The following LDAH variants were observed in gnomAD, a reference collection of about 807,000 sequenced individuals.
LDAH encodes lipid droplet associated hydrolase.
In LDAH, 26 loss-of-function variants were observed where a neutral mutation model predicts 29.6. The observed-to-expected ratio is 0.88, with a 90% CI of 0.64 to 1.22. LDAH has a LOEUF of 1.22. LDAH is among the 50% of genes most tolerant of loss of function. The pLI, the probability that LDAH is intolerant of heterozygous loss-of-function variation, is 0.00. For missense variants in LDAH, 344 were observed against 387.3 expected (o/e 0.89, Z 0.94); for synonymous variants, 117 against 133.0 (o/e 0.88, Z 0.83).
chr2:20,698,223 C>T lies in LDAH; in HGVS notation c.786+3347G>A, dbSNP rs562699991. On this transcript the variant is annotated intron_variant, in intron 6 of 6. Transcript: ENST00000237822. The surrounding 1 kb of genome is among the most constrained non-coding windows in gnomAD (Gnocchi z 4.4). ...TGCTAGGCCCTAGGGGACATCAAGA[C>T]GAAGAAGACACAGCTCCTTACCTCA... 3.9e-4 allele frequency among the ~76,000 whole-genome samples: 60 copies of T among 152,094 alleles called. No individual in the cohort carries two copies. Among genetic ancestry groups the T allele is most frequent in the Non-Finnish European group, 7.1e-4 (48 of 68,022 alleles).
rs1662475392 is a variant in LDAH at position 20,685,269 on chromosome 2, A to G, written c.*1634T>C. 5 of 504,790 alleles carry G rather than the reference A, an allele frequency of 9.9e-6. No individual in the cohort carries two copies. The South Asian group carries it at 1.7e-4, about 17-fold the overall frequency. The allele number at this position is 504,790 out of a possible 1,614,324, so 31.3% of individuals were successfully genotyped here. Reference sequence around the variant, plus strand: ...TTCTGGTAGGTATGATTTACCCAGTATTGTTTACATGCCTTGATTTAGTAT... The same window carrying G: ...TTCTGGTAGGTATGATTTACCCAGTGTTGTTTACATGCCTTGATTTAGTAT... On this transcript the variant is annotated 3_prime_UTR_variant, in exon 7 of 7. Coordinates refer to ENST00000237822, the MANE Select transcript of LDAH (RefSeq NM_021925.4).
At position 20,736,598 on chromosome 2, in the gene LDAH, C is replaced by A. The variant is rs185384459; in HGVS notation, c.703+3373G>T. On this transcript the variant is annotated intron_variant, in intron 5 of 6. Transcript: ENST00000237822. ...TGAGTATTTTGAGAAACTGAAGACA[C>A]AGGAGAAGCTCTAAAAATGGAGAAG... is the stretch of plus-strand genomic sequence containing the variant. 7.9e-5 allele frequency among the ~76,000 whole-genome samples: 12 copies of A among 152,180 alleles called. No homozygotes were observed. In the East Asian group the frequency reaches 2.1e-3, roughly 27 times the overall value.
chr2:20,764,264 A>T (rs866142304), intron 4 of LDAH, among the ~76,000 whole-genome samples: 15 of 152,246 alleles, frequency 9.9e-5, no homozygotes, highest in Admixed American at 1.3e-4. Flanking sequence ...CATCATCTAC[A>T]ATACAAACTT....
intron 1 of LDAH, among the ~76,000 whole-genome samples, chr2:20,805,099 T>C (rs1022710137): frequency 2.0e-5 from 3 of 152,210 alleles, no homozygotes; most frequent in African/African-American, 7.2e-5. Flanking sequence ...TTATTAACTA[T>C]AAAGTTGTTA....
At chr2:20,797,776 AAAAAG>A (rs900332857) in intron 2 of LDAH, among the ~76,000 whole-genome samples, 1 of 152,228 alleles carries the variant, frequency 6.6e-6, no homozygotes, top group African/African-American at 2.4e-5. Context: ...TGCAAAAACA[AAAAAG>A]AAAAGAAAAG....
chr2:20,772,312 G>A lies in LDAH; in HGVS notation c.468+2498C>T, dbSNP rs115952229. ...ACAGTAATGCTATTATTTCAAATAT[G>A]CAAGTATCCTTTTTAATGTTTTTAA... On this transcript the variant is annotated intron_variant, in intron 4 of 6. Coordinates refer to ENST00000237822, the MANE Select transcript of LDAH (RefSeq NM_021925.4). Among the ~76,000 whole-genome samples the A allele has an allele frequency of 7.8e-3, 1,191 of 152,282 alleles. 11 individuals are homozygous for A. The highest frequency in any genetic ancestry group is 0.027 in the African/African-American group (1,127 of 41,550).
intron 1 of LDAH, among the ~76,000 whole-genome samples, chr2:20,803,251 G>T (rs572691795): frequency 6.6e-6 from 1 of 152,236 alleles, no homozygotes; most frequent in South Asian, 2.1e-4. Flanking sequence ...GTGCCTGCAG[G>T]GGAAAGCTTT....
intron 4 of LDAH, among the ~76,000 whole-genome samples, chr2:20,755,158 TGTG>T: frequency 6.6e-6 from 1 of 152,026 alleles, no homozygotes; most frequent in East Asian, 1.9e-4. Flanking sequence ...TGTGTGTGTG[TGTG>T]TGTGTAGGGG....
chr2:20,720,473 C>G (rs192145629), intron 5 of LDAH, among the ~76,000 whole-genome samples: 1 of 151,844 alleles, frequency 6.6e-6, no homozygotes, highest in South Asian at 2.1e-4. Flanking sequence ...ATGGAAAGGA[C>G]ACACACACAA....
At chr2:20,733,524 C>T (rs1430411989) in intron 5 of LDAH, among the ~76,000 whole-genome samples, 1 of 151,936 alleles carries the variant, frequency 6.6e-6, no homozygotes, top group Non-Finnish European at 1.5e-5. Flanking sequence ...CTCAGTCCCC[C>T]AACTAGCTAG....
chr2:20,689,013 G>A (rs968739081), intron 6 of LDAH, among the ~76,000 whole-genome samples: 2 of 150,128 alleles, frequency 1.3e-5, no homozygotes, highest in African/African-American at 2.5e-5. Flanking sequence ...AACAGGCCCC[G>A]GTGTGTGATG....
At chr2:20,697,469 G>C (rs1163468926) in intron 6 of LDAH, among the ~76,000 whole-genome samples, 1 of 152,126 alleles carries the variant, frequency 6.6e-6, no homozygotes, top group Non-Finnish European at 1.5e-5. Context: ...CAAATTCCTA[G>C]GGCTAACTGA....
chr2:20,763,371 G>A (rs910971052), intron 4 of LDAH, among the ~76,000 whole-genome samples: 10 of 152,214 alleles, frequency 6.6e-5, no homozygotes, highest in African/African-American at 2.4e-4. Context: ...GAAAGCTTAG[G>A]TAGGTGGTTC....
At chr2:20,784,295 A>G (rs1670400534) in intron 3 of LDAH, among the ~76,000 whole-genome samples, 1 of 151,988 alleles carries the variant, frequency 6.6e-6, no homozygotes, top group African/African-American at 2.4e-5. Flanking sequence ...GGTCTCAGCT[A>G]CTCAGGAGGC....
rs546926230 is a variant in LDAH, at chr2:20,738,092, A to T, written c.703+1879T>A. Among the ~76,000 whole-genome samples, 4 of 151,916 alleles carry T rather than the reference A, an allele frequency of 2.6e-5. No individual in the cohort carries two copies. The South Asian group carries it at 8.3e-4, about 32-fold the overall frequency. On this transcript the variant is annotated intron_variant, in intron 5 of 6. Coordinates refer to ENST00000237822, the MANE Select transcript of LDAH (RefSeq NM_021925.4). ...CATGGTGAAACTCTGTCTCTAAAAAAAATAAAAAAATTAGCTGGTCACAGT... is the reference window on the plus strand; with the variant it reads ...CATGGTGAAACTCTGTCTCTAAAAATAATAAAAAAATTAGCTGGTCACAGT...
intron 4 of LDAH, among the ~76,000 whole-genome samples, chr2:20,742,514 C>A (rs1372006988): frequency 2.0e-5 from 3 of 152,152 alleles, no homozygotes; most frequent in Non-Finnish European, 4.4e-5. Flanking sequence ...ACTGTTATGT[C>A]TTCTTGGAGG....
At chr2:20,742,050 A>G (rs115924688) in intron 4 of LDAH, among the ~76,000 whole-genome samples, 3,115 of 152,236 alleles carry the variant, frequency 0.02, 54 homozygotes, top group Non-Finnish European at 0.035. Flanking sequence ...TTATTTCTCA[A>G]TTTATCTTGG....
At chr2:20,769,034 T>C (rs993585731) in intron 4 of LDAH, among the ~76,000 whole-genome samples, 1 of 152,094 alleles carries the variant, frequency 6.6e-6, no homozygotes, top group Non-Finnish European at 1.5e-5. Flanking sequence ...TCTATCAACC[T>C]TGAATCTCAT....
In LDAH at chr2:20,684,858, T is replaced by A. The variant is rs1364696193; in HGVS notation, c.*2045A>T. The A allele has an allele frequency of 8.4e-6, 13 of 1,543,448 alleles. No homozygotes were observed. The highest frequency in any genetic ancestry group is 1.0e-5 in the Non-Finnish European group (12 of 1,143,810). On this transcript the variant is annotated 3_prime_UTR_variant, in exon 7 of 7. Transcript: ENST00000237822. Reference sequence around the variant, plus strand: ...GAAAATGGATTTCTTCCACTGTTTGTCCATTTTAGTCTAATCCCTAATGAA... The same window carrying A: ...GAAAATGGATTTCTTCCACTGTTTGACCATTTTAGTCTAATCCCTAATGAA...
Sources: gnomAD v4.1 joint callset for allele counts (sites outside exome capture counted in the v4.1 genomes callset) on GRCh38, gnomAD v4.1.1 for gene constraint, Gnocchi (gnomAD v3.1) non-coding constraint, MANE v1.5 for transcripts, NCBI Gene and HGNC (gene_info 2026-07-23, HGNC 2026-07-21) for gene names.